The following QTMAN variants were observed in gnomAD, a reference collection of about 807,000 sequenced individuals.
The protein encoded by QTMAN is tRNA-queuosine alpha-mannosyltransferase.
chr2:144,015,306 C>T, the QTMAN span, among the ~76,000 whole-genome samples: 2 of 152,318 alleles, frequency 1.3e-5, no homozygotes, highest in African/African-American at 4.8e-5. Context: ...TAATTCAACA[C>T]AGTTTGGCAG....
chr2:144,072,067 T>A, the QTMAN span, among the ~76,000 whole-genome samples: 1 of 152,192 alleles, frequency 6.6e-6, no homozygotes, highest in African/African-American at 2.4e-5. Flanking sequence ...TTTAGTATGT[T>A]TATTTCTTTG....
At chr2:144,153,430 C>A in the QTMAN span, among the ~76,000 whole-genome samples, 1 of 152,324 alleles carries the variant, frequency 6.6e-6, no homozygotes, top group Admixed American at 6.5e-5. Context: ...TTCCTTTAGG[C>A]TGGGCACGGT....
At chr2:144,197,565 T>G in the QTMAN span, among the ~76,000 whole-genome samples, 1 of 152,312 alleles carries the variant, frequency 6.6e-6, no homozygotes, top group South Asian at 2.1e-4. Flanking sequence ...AGTTTAATTG[T>G]GACCTCTGTA....
At chr2:144,250,015 A>C in the QTMAN span, among the ~76,000 whole-genome samples, 1 of 152,212 alleles carries the variant, frequency 6.6e-6, no homozygotes, top group Admixed American at 6.5e-5. Context: ...TTTCAAGAGG[A>C]CACAAGAGAT....
the QTMAN span, among the ~76,000 whole-genome samples, chr2:144,223,520 A>G: frequency 6.6e-6 from 1 of 152,202 alleles, no homozygotes; most frequent in South Asian, 2.1e-4. Context: ...CTGACCTTCT[A>G]GAAAACTGAC....
chr2:144,075,655 T>C, the QTMAN span, among the ~76,000 whole-genome samples: 1 of 152,242 alleles, frequency 6.6e-6, no homozygotes, highest in South Asian at 2.1e-4. Context: ...AGTGCTGTTT[T>C]CACCTTTTAT....
At chr2:144,100,569 G>T in the QTMAN span, among the ~76,000 whole-genome samples, 3 of 152,166 alleles carry the variant, frequency 2.0e-5, no homozygotes, top group African/African-American at 4.8e-5. Flanking sequence ...TATACAGGAA[G>T]TTCCTGAAAT....
chr2:144,122,309 A>G, the QTMAN span, among the ~76,000 whole-genome samples: 10 of 152,326 alleles, frequency 6.6e-5, no homozygotes, highest in Admixed American at 4.6e-4. Context: ...TTTATTGAGA[A>G]AAATAGTTTA....
chr2:144,254,264 A>T, the QTMAN span, among the ~76,000 whole-genome samples: 1 of 152,136 alleles, frequency 6.6e-6, no homozygotes, highest in Admixed American at 6.5e-5. Context: ...TCTACTAAAA[A>T]TACAAAAATT....
the QTMAN span, among the ~76,000 whole-genome samples, chr2:144,136,672 G>C: frequency 6.6e-6 from 1 of 152,034 alleles, no homozygotes; most frequent in Admixed American, 6.6e-5. Flanking sequence ...TTAGTAGGTT[G>C]CAAGATTACT....
the QTMAN span, among the ~76,000 whole-genome samples, chr2:144,162,952 A>G: frequency 6.6e-6 from 1 of 152,208 alleles, no homozygotes; most frequent in South Asian, 2.1e-4. Context: ...GGGTGAAGAG[A>G]CAGCAGTAAA....
the QTMAN span, among the ~76,000 whole-genome samples, chr2:144,154,464 C>A: frequency 6.6e-6 from 1 of 152,080 alleles, no homozygotes; most frequent in South Asian, 2.1e-4. Context: ...TGTAATACTC[C>A]TTAACACAAG....
the QTMAN span, among the ~76,000 whole-genome samples, chr2:144,052,363 C>T: frequency 5.9e-5 from 9 of 152,238 alleles, no homozygotes; most frequent in South Asian, 1.2e-3. Flanking sequence ...TGCAATATTG[C>T]GGGGTTAAGA....
At chr2:144,162,868 GTT>G in the QTMAN span, among the ~76,000 whole-genome samples, 1 of 152,202 alleles carries the variant, frequency 6.6e-6, no homozygotes, top group Non-Finnish European at 1.5e-5. Context: ...GCAAGACTGA[GTT>G]TGCAGATAGG....
At chr2:144,184,687 A>C in the QTMAN span, among the ~76,000 whole-genome samples, 1 of 152,138 alleles carries the variant, frequency 6.6e-6, no homozygotes, top group Non-Finnish European at 1.5e-5. Flanking sequence ...AAAATCATTC[A>C]ATTTTATGTT....
the QTMAN span, among the ~76,000 whole-genome samples, chr2:143,965,817 C>T: frequency 6.6e-6 from 1 of 152,198 alleles, no homozygotes. Flanking sequence ...GCCAAGTCAC[C>T]TGCAAGTGAT....
the QTMAN span, among the ~76,000 whole-genome samples, chr2:144,320,464 C>T: frequency 6.6e-6 from 1 of 152,180 alleles, no homozygotes; most frequent in Non-Finnish European, 1.5e-5. Flanking sequence ...TACTACAATG[C>T]AGACAGCTCT....
the QTMAN span, among the ~76,000 whole-genome samples, chr2:144,284,410 G>C: frequency 1.3e-5 from 2 of 151,734 alleles, no homozygotes; most frequent in African/African-American, 4.8e-5. Flanking sequence ...AAATTATTAT[G>C]ATAATTAAGT....
the QTMAN span, among the ~76,000 whole-genome samples, chr2:144,192,121 CTTTTT>C: frequency 7.0e-6 from 1 of 142,178 alleles, no homozygotes; most frequent in Admixed American, 7.0e-5. Flanking sequence ...TTTTTTTTTT[CTTTTT>C]GAGTGAGTCT....
Sources: gnomAD v4.1 joint callset for allele counts (sites outside exome capture counted in the v4.1 genomes callset) on GRCh38, gnomAD v4.1.1 for gene constraint, MANE v1.5 for transcripts, NCBI Gene and HGNC (gene_info 2026-07-23, HGNC 2026-07-21) for gene names.